The following MILR1 variants were observed in gnomAD, a reference collection of about 807,000 sequenced individuals.
MILR1 encodes the protein allergin-1.
A neutral mutation model predicts 18.5 loss-of-function variants in MILR1; 31 were observed. The ratio of observed to expected loss-of-function variants is 1.68; its 90% CI spans 1.26 to 2.26. The LOEUF (loss-of-function observed/expected upper bound fraction) is 2.26. Ranked by LOEUF, MILR1 falls within the 30% of genes most tolerant of loss-of-function variation. The pLI is 0.00. For synonymous variants in MILR1, 85 were observed against 56.2 expected (o/e 1.51, Z -2.30); for missense variants, 257 against 157.4 (o/e 1.63, Z -3.38).
intron 9 of MILR1, 143 bp downstream of exon 9, chr17:64,467,788 A>T: frequency 1.9e-6 from 1 of 521,614 alleles, no homozygotes. Flanking sequence ...TACAAAAATT[A>T]GCCAGGTGTG....
rs985236829 is a variant in MILR1 at position 64,452,589 on chromosome 17, T to C, written c.98-8T>C. 46 of 414,222 alleles carry C rather than the reference T, an allele frequency of 1.1e-4. No homozygotes were observed. The highest frequency in any genetic ancestry group is 1.9e-4 in the Non-Finnish European group (44 of 226,654). The allele number at this position is 414,222 out of a possible 1,614,324, so 25.7% of individuals were successfully genotyped here. A position where few individuals can be genotyped will look rare whatever the true frequency, so the allele number is the denominator to read the frequency against. The stretch of plus-strand genomic sequence containing the variant: ...AAGGACTTTTTCTTGTGTCATTTTG[T>C]TTTTCAGAATTCCCTTCTCCATGTT... On this transcript the variant is annotated splice_polypyrimidine_tract_variant and splice_region_variant and intron_variant, in intron 2 of 9. Coordinates refer to ENST00000619286, the MANE Select transcript of MILR1 (RefSeq NM_001085423.2).
At chr17:64,495,190 A>T in the MILR1 span, among the ~76,000 whole-genome samples, 2 of 151,250 alleles carry the variant, frequency 1.3e-5, no homozygotes, top group African/African-American at 2.4e-5. Flanking sequence ...AAAAAAAAAA[A>T]AAAGGAACCA....
chr17:64,496,309 A>G, the MILR1 span: 3 of 751,756 alleles, frequency 4.0e-6, no homozygotes, highest in African/African-American at 3.5e-5. Context: ...ACTTCCTTGC[A>G]TGGGAATACA....
intron 6 of MILR1, 114 bp from the exon 7 acceptor site, chr17:64,466,328 A>G (rs1039393587): frequency 4.8e-6 from 4 of 840,628 alleles, no homozygotes; most frequent in African/African-American, 1.7e-5. Flanking sequence ...TCAGCTGACA[A>G]TGGAACAGTC....
At chr17:64,477,094 G>A in the MILR1 span, among the ~76,000 whole-genome samples, 1 of 152,138 alleles carries the variant, frequency 6.6e-6, no homozygotes, top group Non-Finnish European at 1.5e-5. Flanking sequence ...AATACTCTAA[G>A]TTTTAAAAGT....
chr17:64,491,521 A>G, the MILR1 span: 19 of 1,526,654 alleles, frequency 1.2e-5, 1 homozygote, highest in South Asian at 2.1e-4. Flanking sequence ...AAAAAAACCA[A>G]GATGGAGTCA....
chr17:64,468,297 T>C lies in MILR1; in HGVS notation c.*29-13T>C, dbSNP rs1033416074. 17 of 437,272 alleles carry C rather than the reference T, an allele frequency of 3.9e-5. No homozygotes were observed. The highest frequency in any genetic ancestry group is 3.3e-4 in the Middle Eastern group (1 of 3,036). The allele number at this position is 437,272 out of a possible 1,614,324, so 27.1% of individuals were successfully genotyped here. On this transcript the variant is annotated splice_polypyrimidine_tract_variant and intron_variant, in intron 9 of 9. Coordinates refer to ENST00000619286, the MANE Select transcript of MILR1 (RefSeq NM_001085423.2). Reference sequence around the variant, plus strand: ...TTTATATTCTCTCTTGTCTCTCTCTTTTTTTTTTTGAGATGGAGTCTCACT... The same window carrying C: ...TTTATATTCTCTCTTGTCTCTCTCTCTTTTTTTTTGAGATGGAGTCTCACT...
At chr17:64,475,334 G>A in the MILR1 span, among the ~76,000 whole-genome samples, 5 of 152,040 alleles carry the variant, frequency 3.3e-5, no homozygotes, top group Non-Finnish European at 7.4e-5. Context: ...TACTCGGTGA[G>A]AAGCTTTTCT....
At chr17:64,469,106 G>GAAGAA (rs1235448249), downstream of MILR1, among the ~76,000 whole-genome samples, 1 of 149,116 alleles carries the variant, frequency 6.7e-6, no homozygotes, top group South Asian at 2.1e-4. Flanking sequence ...AAAGAGAAAA[G>GAAGAA]AAGAAAAGAA....
chr17:64,463,512 T>C (rs1193135347), intron 5 of MILR1, among the ~76,000 whole-genome samples: 1 of 151,934 alleles, frequency 6.6e-6, no homozygotes, highest in Non-Finnish European at 1.5e-5. Flanking sequence ...GTGTTCTGAG[T>C]TGTGGAATGG....
chr17:64,461,065 A>G (rs1291945428), intron 5 of MILR1, 133 bp downstream of exon 5: 8 of 365,536 alleles, frequency 2.2e-5, no homozygotes, highest in African/African-American at 6.3e-5. Context: ...GGAGGAAAAC[A>G]TGAGAAAGGG....
chr17:64,485,905 A>G, the MILR1 span: 1 of 1,611,048 alleles, frequency 6.2e-7, no homozygotes, highest in African/African-American at 1.3e-5. Context: ...ATCATTTCAC[A>G]GAACTTTTTT....
intron 6 of MILR1, 133 bp from the exon 7 acceptor site, chr17:64,466,309 A>G (rs577461127): frequency 1.3e-6 from 1 of 747,912 alleles, no homozygotes. Context: ...ACACAGTCAA[A>G]CCCTATCATC....
chr17:64,466,478 G>A lies in MILR1; in HGVS notation c.890G>A (p.Cys297Tyr). ...GTGCCAGAAGTGGGATCCAGGCCGT[G>A]TGTTTCCACAGCCCAAGATGGTGAG... ...ESVPEVGSRP[C>Y]VSTAQDEAKH... The change falls in exon 7 of 10, where the codon TGT becomes TAT. Residue 297 changes from cysteine (C) to tyrosine (Y), a missense_variant. Cys to Tyr is a radical substitution (Grantham distance 194). Coordinates refer to ENST00000619286, the MANE Select transcript of MILR1 (RefSeq NM_001085423.2). 4 of 1,613,878 alleles carry A rather than the reference G, an allele frequency of 2.5e-6. No homozygotes were observed. Among genetic ancestry groups the A allele is most frequent in the Non-Finnish European group, 3.4e-6 (4 of 1,179,860 alleles).
the MILR1 span, among the ~76,000 whole-genome samples, chr17:64,489,269 C>T: frequency 2.1e-5 from 3 of 145,544 alleles, no homozygotes; most frequent in African/African-American, 7.6e-5. Context: ...CTGTGAAATA[C>T]CAATTTAAAA....
chr17:64,496,819 G>A, the MILR1 span: 7 of 1,613,528 alleles, frequency 4.3e-6, no homozygotes, highest in Non-Finnish European at 5.9e-6. Context: ...CGTTCCCCTC[G>A]AGCTCCGCGT....
the MILR1 span, chr17:64,493,069 A>G: frequency 2.5e-6 from 4 of 1,604,964 alleles, no homozygotes; most frequent in Admixed American, 3.3e-5. Context: ...CCACAAACCC[A>G]AATCATTTTT....
the MILR1 span, among the ~76,000 whole-genome samples, chr17:64,486,118 G>T: frequency 6.6e-6 from 1 of 152,094 alleles, no homozygotes; most frequent in African/African-American, 2.4e-5. Context: ...TCTGTACCAG[G>T]CCTGTGGTAG....
chr17:64,477,695 A>C, the MILR1 span: 1 of 1,055,326 alleles, frequency 9.5e-7, no homozygotes, highest in South Asian at 2.0e-5. Flanking sequence ...TAAAAAATAT[A>C]AACACTGAAT....
Sources: gnomAD v4.1 joint callset for allele counts (sites outside exome capture counted in the v4.1 genomes callset) on GRCh38, gnomAD v4.1.1 for gene constraint, MANE v1.5 for transcripts, NCBI Gene and HGNC (gene_info 2026-07-23, HGNC 2026-07-21) for gene names.